The following CDH2 variants were observed in gnomAD, a reference collection of about 807,000 sequenced individuals.
CDH2 encodes cadherin 2.
Under a neutral mutation model 92.0 loss-of-function variants are expected in CDH2, and 17 were observed. The observed-to-expected ratio is 0.18, with a 90% confidence interval of 0.13 to 0.28. CDH2 has a LOEUF of 0.28. Ranked by LOEUF, CDH2 falls within the 10% of genes least tolerant of loss-of-function variation. The pLI is 1.00. For synonymous variants in CDH2, 419 were observed against 415.9 expected (o/e 1.01, Z -0.09); for missense variants, 862 against 1,133.1 (o/e 0.76, Z 3.44).
chr18:28,175,287 A>T (rs910468656), intron 1 of CDH2, among the ~76,000 whole-genome samples: 2 of 152,232 alleles, frequency 1.3e-5, no homozygotes, highest in African/African-American at 4.8e-5. Context: ...AATAGTTCTG[A>T]AATCCCCGAG....
At chr18:28,036,629 T>A (rs563624620) in intron 2 of CDH2, 14 of 987,814 alleles carry the variant, frequency 1.4e-5, no homozygotes, top group Non-Finnish European at 2.2e-5. Flanking sequence ...AAAGCAGGGA[T>A]AAAGTTCTTT....
chr18:27,957,256 T>A (rs2011274043), intron 15 of CDH2, among the ~76,000 whole-genome samples: 1 of 151,916 alleles, frequency 6.6e-6, no homozygotes, highest in South Asian at 2.1e-4. Flanking sequence ...CTTTTTTATT[T>A]TTTATTTTTA....
At chr18:28,163,616 T>A (rs1219102318) in intron 1 of CDH2, among the ~76,000 whole-genome samples, 5 of 152,192 alleles carry the variant, frequency 3.3e-5, no homozygotes, top group Non-Finnish European at 5.9e-5. Flanking sequence ...CGCAAGTCCA[T>A]CAACAATAAA....
At chr18:28,103,984 A>T (rs1245050740) in intron 2 of CDH2, among the ~76,000 whole-genome samples, 4 of 152,088 alleles carry the variant, frequency 2.6e-5, no homozygotes, top group Non-Finnish European at 5.9e-5. Flanking sequence ...GGCCCAGGAG[A>T]AGTTGGGGCA....
At chr18:28,151,005 A>C (rs1281357674) in intron 1 of CDH2, among the ~76,000 whole-genome samples, 1 of 152,224 alleles carries the variant, frequency 6.6e-6, no homozygotes, top group Admixed American at 6.5e-5. Context: ...AGCTGGACAT[A>C]GTGGAGGCTT....
intron 1 of CDH2, among the ~76,000 whole-genome samples, chr18:28,156,125 C>T (rs2016206803): frequency 6.6e-6 from 1 of 152,158 alleles, no homozygotes; most frequent in Admixed American, 6.5e-5. Context: ...ACATTTGCCC[C>T]ATCTGACAGC....
intron 2 of CDH2, among the ~76,000 whole-genome samples, chr18:28,067,685 CTTATT>C (rs1215839840): frequency 6.6e-6 from 1 of 152,088 alleles, no homozygotes; most frequent in Non-Finnish European, 1.5e-5. Context: ...AACAGTATCT[CTTATT>C]TTGTTTTACT....
intron 2 of CDH2, among the ~76,000 whole-genome samples, chr18:28,087,192 A>C (rs1269944795): frequency 6.6e-6 from 1 of 152,178 alleles, no homozygotes; most frequent in Non-Finnish European, 1.5e-5. Flanking sequence ...AATTTCCTTG[A>C]GAAAGATACA....
intron 2 of CDH2, among the ~76,000 whole-genome samples, chr18:28,039,252 C>T (rs1001134537): frequency 4.6e-5 from 7 of 152,088 alleles, no homozygotes; most frequent in Admixed American, 1.3e-4. Context: ...CTCAGGATTG[C>T]GCGGCATAGG....
chr18:28,050,360 C>A (rs567823416), intron 2 of CDH2, among the ~76,000 whole-genome samples: 2 of 151,922 alleles, frequency 1.3e-5, no homozygotes, highest in East Asian at 3.9e-4. Flanking sequence ...TTAGTTTTAC[C>A]CCCTTCTGAC....
chr18:27,994,360 A>G (rs1243219951), intron 7 of CDH2, among the ~76,000 whole-genome samples: 1 of 152,216 alleles, frequency 6.6e-6, no homozygotes, highest in Non-Finnish European at 1.5e-5. Context: ...ATAAATATTG[A>G]TACATTTACA....
At position 28,011,969 on chromosome 18, in the gene CDH2, T is replaced by C; in HGVS notation, c.423A>G (p.Ile141Met). ...GCTTACTGAATTGTCTTGGGAACAC[T>C]ATTTCTTCAACTTCTGCTGACTCCT... ...SVKESAEVEE[I>M]VFPRQFSKHS... Residue 141 changes from isoleucine to methionine, a missense_variant, in exon 4 of 16, where the codon ATA (isoleucine) becomes ATG (methionine). Around this residue, in one of 5 missense-constraint regions of CDH2, gnomAD observed 159 missense variants for 177.2 expected, o/e 0.90. Transcript: ENST00000269141. 6.2e-7 allele frequency: 1 copy of C among 1,613,804 alleles called. No homozygotes were observed. Among genetic ancestry groups the C allele is most frequent in the Admixed American group, 1.7e-5 (1 of 60,004 alleles).
intron 10 of CDH2, among the ~76,000 whole-genome samples, chr18:27,988,934 G>A (rs2012322684): frequency 6.6e-6 from 1 of 152,218 alleles, no homozygotes; most frequent in African/African-American, 2.4e-5. Context: ...GGCTAAAGCA[G>A]ATTGGAAAGT....
intron 2 of CDH2, among the ~76,000 whole-genome samples, chr18:28,085,950 C>T (rs2014919055): frequency 6.6e-6 from 1 of 152,168 alleles, no homozygotes; most frequent in African/African-American, 2.4e-5. Context: ...CTGTACCCAT[C>T]TTCTCTAAAG....
Position 27,937,373 on chromosome 18 carries a change from A to G in CDH2, c.1152-4249T>C, listed in dbSNP as rs17492973. Among the ~76,000 whole-genome samples the G allele has an allele frequency of 6.2e-3, 946 of 152,274 alleles. 11 individuals carry two copies. The highest frequency in any genetic ancestry group is 0.022 in the African/African-American group (916 of 41,556). On this transcript the variant is annotated intron_variant, in intron 6 of 6. Transcript: ENST00000675173. ...CTATGTGATTTTAGGCAACTTACAT[A>G]TATACTTTTTGAACCTTAGTTTACT...
chr18:28,011,761 C>T, intron 4 of CDH2, 85 bp downstream of exon 4: 1 of 1,350,972 alleles, frequency 7.4e-7, no homozygotes, highest in Non-Finnish European at 1.0e-6. Flanking sequence ...GTCATAAATT[C>T]TACTTTGTAA....
At position 28,104,654 on chromosome 18, in the gene CDH2, AC is replaced by A. The variant is rs1377913739; in HGVS notation, c.172+43018del. The stretch of plus-strand genomic sequence containing the variant: ...TAAATGTAATTCAATAGACAAAAAA[AC>A]ATTTGATTACCTAAACATACATATA... On this transcript the variant is annotated intron_variant, in intron 2 of 15. Coordinates refer to ENST00000269141, the MANE Select transcript of CDH2 (RefSeq NM_001792.5). Among the ~76,000 whole-genome samples, 61 of 151,242 alleles carry A rather than the reference AC, an allele frequency of 4.0e-4. 1 individual carries two copies. Among genetic ancestry groups the A allele is most frequent in the East Asian group, 2.0e-4 (1 of 5,044 alleles).
At position 28,123,572 on chromosome 18, in the gene CDH2, G is replaced by A. The variant is rs181011272; in HGVS notation, c.172+24101C>T. On this transcript the variant is annotated intron_variant, in intron 2 of 15. Coordinates refer to ENST00000269141, the MANE Select transcript of CDH2 (RefSeq NM_001792.5). ...CAAGCTCTTTTCAGGCTTGTTTGGAGGGGGTTCAAATGCATTGCTCCATCC... is the reference window on the plus strand; with the variant it reads ...CAAGCTCTTTTCAGGCTTGTTTGGAAGGGGTTCAAATGCATTGCTCCATCC... 1.2e-3 allele frequency among the ~76,000 whole-genome samples: 182 copies of A among 152,232 alleles called. 1 individual carries two copies. The highest frequency in any genetic ancestry group is 5.2e-3 in the Admixed American group (79 of 15,268).
intron 7 of CDH2, among the ~76,000 whole-genome samples, chr18:27,995,396 T>G (rs766994374): frequency 1.3e-5 from 2 of 152,030 alleles, no homozygotes; most frequent in Non-Finnish European, 2.9e-5. Flanking sequence ...AAGTGTCACT[T>G]CAGCTTAATG....
Sources: allele counts gnomAD v4.1 joint callset (sites outside exome capture counted in the v4.1 genomes callset), GRCh38; gene constraint gnomAD v4.1.1; regional missense constraint gnomAD v4.1.1; transcripts MANE v1.5; gene names NCBI Gene and HGNC (gene_info 2026-07-23, HGNC 2026-07-21).